Variants in MTUS2 observed in about 807,000 individuals in gnomAD.
The protein encoded by MTUS2 is microtubule-associated tumor suppressor candidate 2.
In MTUS2, 40 loss-of-function variants were observed where a neutral mutation model predicts 114.1. The ratio of observed to expected loss-of-function variants is 0.35; its 90% CI spans 0.27 to 0.46. The LOEUF (loss-of-function observed/expected upper bound fraction) is 0.46, where lower values mean the gene tolerates loss of function less well. Ranked by LOEUF, MTUS2 falls within the 20% of genes least tolerant of loss-of-function variation. The probability of loss-of-function intolerance (pLI) is 1.00; values close to 1 mark genes in which losing one functional copy is unlikely to be tolerated. For synonymous variants in MTUS2, 688 were observed against 672.0 expected, an observed-to-expected ratio of 1.02 and a Z score of -0.37; for missense variants, 1,679 against 1,705.4, an observed-to-expected ratio of 0.98 and a Z score of 0.27.
rs1875842762 is a variant in MTUS2, at chr13:28,845,845, A to T, written c.-243+5995A>T. Among the ~76,000 whole-genome samples the T allele has an allele frequency of 1.3e-5, 2 of 151,842 alleles. 1 individual carries two copies. The highest frequency in any genetic ancestry group is 6.9e-3 in the Middle Eastern group (2 of 288). On this transcript the variant is annotated intron_variant, in intron 2 of 15. Coordinates refer to ENST00000612955, the MANE Select transcript of MTUS2 (RefSeq NM_001033602.4). ...TACAGTTTCCTTACCTTAAAAGGGGATGGTACCTGGCTTGCAGCTCTGTAA... is the reference window on the plus strand; with the variant it reads ...TACAGTTTCCTTACCTTAAAAGGGGTTGGTACCTGGCTTGCAGCTCTGTAA...
At chr13:28,994,364 G>A (rs1265743276) in intron 2 of MTUS2, among the ~76,000 whole-genome samples, 1 of 152,170 alleles carries the variant, frequency 6.6e-6, no homozygotes, top group African/African-American at 2.4e-5. Flanking sequence ...ATAAACATAC[G>A]TGTGCATGCG....
chr13:28,838,037 C>T (rs189246913), intron 1 of MTUS2, among the ~76,000 whole-genome samples: 1 of 152,178 alleles, frequency 6.6e-6, no homozygotes, highest in African/African-American at 2.4e-5. Flanking sequence ...GTGACCATGT[C>T]ACAGAATGCT....
intron 2 of MTUS2, among the ~76,000 whole-genome samples, chr13:28,933,796 G>C (rs962119168): frequency 6.6e-6 from 1 of 152,160 alleles, no homozygotes; most frequent in African/African-American, 2.4e-5. Context: ...ACAATTGTCC[G>C]TTCCAGAGAC....
chr13:29,248,325 G>C (rs1450526278), intron 5 of MTUS2, among the ~76,000 whole-genome samples: 2 of 152,060 alleles, frequency 1.3e-5, no homozygotes, highest in African/African-American at 4.8e-5. Context: ...GTGCACCACA[G>C]TCTTGGAAAT....
At chr13:29,031,235 TA>T (rs985825220) in intron 3 of MTUS2, among the ~76,000 whole-genome samples, 1 of 140,184 alleles carries the variant, frequency 7.1e-6, no homozygotes, top group Non-Finnish European at 1.5e-5. Flanking sequence ...ATAGAACTAA[TA>T]GGTGTGTGTG....
intron 5 of MTUS2, among the ~76,000 whole-genome samples, chr13:29,193,592 G>C (rs1894537647): frequency 6.6e-6 from 1 of 152,178 alleles, no homozygotes; most frequent in African/African-American, 2.4e-5. Flanking sequence ...TGAAATAAAA[G>C]AGGATACAAA....
At chr13:29,305,406 G>C (rs545913882) in intron 6 of MTUS2, among the ~76,000 whole-genome samples, 1 of 152,024 alleles carries the variant, frequency 6.6e-6, no homozygotes, top group South Asian at 2.1e-4. Flanking sequence ...GACTAATAAA[G>C]AAGAAAAGAG....
At chr13:28,900,227 C>CT (rs1879560553) in intron 2 of MTUS2, among the ~76,000 whole-genome samples, 1 of 152,192 alleles carries the variant, frequency 6.6e-6, no homozygotes, top group South Asian at 2.1e-4. Flanking sequence ...CTTTTAACAA[C>CT]GATTACAATA....
At chr13:29,383,468 C>A (rs756646425) in intron 8 of MTUS2, among the ~76,000 whole-genome samples, 1 of 152,016 alleles carries the variant, frequency 6.6e-6, no homozygotes, top group African/African-American at 2.4e-5. Flanking sequence ...CTGTGCCTAG[C>A]GAAGGCAGGG....
chr13:29,202,875 T>C (rs1451613429), intron 5 of MTUS2, among the ~76,000 whole-genome samples: 1 of 152,194 alleles, frequency 6.6e-6, no homozygotes, highest in East Asian at 1.9e-4. Context: ...TTCCTTCCTC[T>C]GGAAGGTTTG....
chr13:29,286,664 G>GTCTATCTATCTATCTATCTA lies in MTUS2; in HGVS notation c.2806+4802_2806+4803insATCTATCTATCTATCTATCT, dbSNP rs1481599709. Among the ~76,000 whole-genome samples the GTCTATCTATCTATCTATCTA allele has an allele frequency of 5.1e-4, 39 of 76,424 alleles. 1 individual carries two copies. Among genetic ancestry groups the GTCTATCTATCTATCTATCTA allele is most frequent in the African/African-American group, 1.4e-3 (23 of 16,258 alleles). 50.1% of individuals were successfully genotyped at this position (76,424 alleles called of 152,430 possible). A position where few individuals can be genotyped will look rare whatever the true frequency, so the allele number is the denominator to read the frequency against. On this transcript the variant is annotated intron_variant, in intron 6 of 15. Coordinates refer to ENST00000612955, the MANE Select transcript of MTUS2 (RefSeq NM_001033602.4). Reference sequence around the variant, plus strand: ...GCACTATCTATCTGTCTGTCTGTCTGTCTGTCTGTCTATCTATCTATCTAT... The same window carrying GTCTATCTATCTATCTATCTA: ...GCACTATCTATCTGTCTGTCTGTCTGTCTATCTATCTATCTATCTATCTGTCTGTCTATCTATCTATCTAT...
rs192636424 is a variant in MTUS2, at chr13:28,856,969, G to A, written c.-243+17119G>A. The stretch of plus-strand genomic sequence containing the variant: ...TTTATAGTGTTGCTAACACAACTTC[G>A]TAGCCACTGAGTCAAAACATCTGAG... On this transcript the variant is annotated intron_variant, in intron 2 of 15. Coordinates refer to ENST00000612955, the MANE Select transcript of MTUS2 (RefSeq NM_001033602.4). Among the ~76,000 whole-genome samples, 174 of 152,204 alleles carry A rather than the reference G, an allele frequency of 1.1e-3. 1 individual carries two copies. Among genetic ancestry groups the A allele is most frequent in the Non-Finnish European group, 1.2e-3 (81 of 68,026 alleles).
intron 2 of MTUS2, among the ~76,000 whole-genome samples, chr13:28,980,637 T>C (rs1400976995): frequency 2.0e-5 from 3 of 152,246 alleles, no homozygotes; most frequent in Non-Finnish European, 4.4e-5. Flanking sequence ...AATGTTTTTC[T>C]TGTACAAACA....
intron 2 of MTUS2, among the ~76,000 whole-genome samples, chr13:29,009,954 G>C (rs1325371304): frequency 6.6e-6 from 1 of 152,124 alleles, no homozygotes; most frequent in Non-Finnish European, 1.5e-5. Flanking sequence ...GCTCACTCCT[G>C]TAATCCCAGC....
intron 5 of MTUS2, among the ~76,000 whole-genome samples, chr13:29,212,518 A>G: frequency 6.6e-6 from 1 of 152,200 alleles, no homozygotes; most frequent in East Asian, 1.9e-4. Context: ...CCCTCACTTT[A>G]GGTGCCAACT....
intron 6 of MTUS2, chr13:29,307,666 G>C: frequency 8.9e-7 from 1 of 1,126,840 alleles, no homozygotes; most frequent in Non-Finnish European, 1.3e-6. Context: ...CACCTTCGAC[G>C]CTGGGGCTAG....
intron 6 of MTUS2, among the ~76,000 whole-genome samples, chr13:29,320,920 A>G (rs1015217815): frequency 6.6e-6 from 1 of 152,224 alleles, no homozygotes; most frequent in Non-Finnish European, 1.5e-5. Context: ...AGGATGAGGA[A>G]GAAGACTGAC....
rs17072913 is a variant in MTUS2, at chr13:29,180,303, G to A, written c.2644+79333G>A. Among the ~76,000 whole-genome samples, 201 of 152,214 alleles carry A rather than the reference G, an allele frequency of 1.3e-3. 2 individuals carry two copies. The East Asian group carries it at 0.027, about 21-fold the overall frequency. ...CACTTGACCCCAATACCTCCAAAGC[G>A]CATAAATGGGTTATGAACACAGACA... is the stretch of plus-strand genomic sequence containing the variant. On this transcript the variant is annotated intron_variant, in intron 5 of 15. Transcript: ENST00000612955.
intron 8 of MTUS2, among the ~76,000 whole-genome samples, chr13:29,403,187 TG>T (rs1874481573): frequency 6.6e-6 from 1 of 152,202 alleles, no homozygotes; most frequent in Non-Finnish European, 1.5e-5. Flanking sequence ...CCCTGGGCCC[TG>T]TGCACACAGA....
Sources: gnomAD v4.1 joint callset for allele counts (sites outside exome capture counted in the v4.1 genomes callset) on GRCh38, gnomAD v4.1.1 for gene constraint, MANE v1.5 for transcripts, NCBI Gene and HGNC (gene_info 2026-07-23, HGNC 2026-07-21) for gene names.